LGSN: variants seen among roughly 807,000 people sequenced by gnomAD.
LGSN encodes lengsin, lens protein with glutamine synthetase domain.
LGSN carries 21 observed loss-of-function variants against 19.5 expected under a neutral mutation model. That is an observed-to-expected ratio of 1.07 (90% confidence interval 0.76 to 1.55). The LOEUF (loss-of-function observed/expected upper bound fraction) is 1.55, where lower values mean the gene tolerates loss of function less well. Among genes scored for constraint, LGSN ranks in the 40% most tolerant of loss-of-function variants. LGSN has a pLI of 0.00. For missense variants in LGSN, 673 were observed against 608.5 expected (o/e 1.11, Z -1.12); for synonymous variants, 257 against 215.6 (o/e 1.19, Z -1.68).
the LGSN span, among the ~76,000 whole-genome samples, chr6:63,507,015 T>C: frequency 2.6e-5 from 4 of 152,076 alleles, no homozygotes; most frequent in African/African-American, 9.7e-5. Flanking sequence ...GAGGATGCCT[T>C]ACCCCGACAA....
At chr6:63,352,730 A>G in the LGSN span, among the ~76,000 whole-genome samples, 444 of 152,088 alleles carry the variant, frequency 2.9e-3, 3 homozygotes, top group African/African-American at 0.01. Flanking sequence ...TTTGTGGGTT[A>G]TGTTAGAGAC....
the LGSN span, among the ~76,000 whole-genome samples, chr6:63,355,741 C>T: frequency 2.0e-5 from 3 of 152,150 alleles, no homozygotes; most frequent in Non-Finnish European, 4.4e-5. Flanking sequence ...TGCAATGGTG[C>T]AATCTTGGCT....
the LGSN span, among the ~76,000 whole-genome samples, chr6:63,480,940 G>GAT: frequency 5.2e-3 from 311 of 59,722 alleles, 3 homozygotes; most frequent in African/African-American, 0.01. Flanking sequence ...TAAAGAAAAT[G>GAT]ATATATATAT....
chr6:63,368,591 C>A, the LGSN span, among the ~76,000 whole-genome samples: 2 of 152,214 alleles, frequency 1.3e-5, no homozygotes, highest in African/African-American at 2.4e-5. Flanking sequence ...CTCCTCCCCC[C>A]ACTCCACACA....
the LGSN span, among the ~76,000 whole-genome samples, chr6:63,464,590 G>A: frequency 6.6e-6 from 1 of 150,486 alleles, no homozygotes; most frequent in Admixed American, 6.7e-5. Flanking sequence ...AATATGTCAG[G>A]TTAGAAGTAA....
chr6:63,326,053 A>C, the LGSN span, among the ~76,000 whole-genome samples: 1 of 152,042 alleles, frequency 6.6e-6, no homozygotes, highest in Non-Finnish European at 1.5e-5. Context: ...CTCGACACAA[A>C]GGTTCTCCAC....
chr6:63,475,558 A>AT, the LGSN span, among the ~76,000 whole-genome samples: 2 of 152,182 alleles, frequency 1.3e-5, no homozygotes, highest in Non-Finnish European at 2.9e-5. Context: ...GTTGGTATAA[A>AT]TTTTGTCTCT....
the LGSN span, among the ~76,000 whole-genome samples, chr6:63,547,499 T>G: frequency 2.3e-3 from 254 of 108,990 alleles, no homozygotes; most frequent in African/African-American, 8.2e-3. Flanking sequence ...CAGGGGGGAA[T>G]TTTTTTTTTT....
the LGSN span, chr6:63,572,320 C>G: frequency 4.2e-6 from 1 of 235,512 alleles, no homozygotes; most frequent in Non-Finnish European, 8.2e-6. Context: ...CATTCATCAA[C>G]CGGTTCACAC....
the LGSN span, among the ~76,000 whole-genome samples, chr6:63,506,215 A>C: frequency 6.6e-6 from 1 of 150,694 alleles, no homozygotes; most frequent in Middle Eastern, 3.4e-3. Flanking sequence ...TTCTCATGGA[A>C]AGGAGATAAG....
At chr6:63,462,044 G>A in the LGSN span, among the ~76,000 whole-genome samples, 10 of 152,090 alleles carry the variant, frequency 6.6e-5, no homozygotes, top group Admixed American at 2.0e-4. Context: ...CTTTTCCTTC[G>A]TTTCTTCTGC....
chr6:63,487,124 C>T, the LGSN span, among the ~76,000 whole-genome samples: 3 of 152,026 alleles, frequency 2.0e-5, no homozygotes, highest in Non-Finnish European at 4.4e-5. Flanking sequence ...TGTGAGCCAC[C>T]GTGCCTGGCC....
At chr6:63,399,648 G>A in the LGSN span, among the ~76,000 whole-genome samples, 2 of 151,402 alleles carry the variant, frequency 1.3e-5, no homozygotes, top group Admixed American at 6.6e-5. Context: ...CACCCGCCTC[G>A]GCCTCCCAAA....
chr6:63,348,017 C>T, the LGSN span, among the ~76,000 whole-genome samples: 4 of 152,244 alleles, frequency 2.6e-5, no homozygotes, highest in Admixed American at 2.6e-4. Flanking sequence ...GGAGGAGAAA[C>T]TCCTTTCTCC....
chr6:63,365,835 A>C, the LGSN span, among the ~76,000 whole-genome samples: 1 of 152,236 alleles, frequency 6.6e-6, no homozygotes. Context: ...AAAGGAAAAA[A>C]AATACATGAT....
At chr6:63,462,892 G>A in the LGSN span, among the ~76,000 whole-genome samples, 1 of 152,186 alleles carries the variant, frequency 6.6e-6, no homozygotes, top group Non-Finnish European at 1.5e-5. Flanking sequence ...ATGGATTTAT[G>A]TTCAGGTGTG....
In LGSN at chr6:63,277,893, T is replaced by G. The variant is rs1436659023; in HGVS notation, c.*2128A>C. On this transcript the variant is annotated 3_prime_UTR_variant, in exon 4 of 4. Coordinates refer to ENST00000370657, the MANE Select transcript of LGSN (RefSeq NM_016571.3). Reference sequence around the variant, plus strand: ...TGAGTTCAGGAGTTCAAGACCAGACTGGCCAATATGGTGAAACCCCATCTC... The same window carrying G: ...TGAGTTCAGGAGTTCAAGACCAGACGGGCCAATATGGTGAAACCCCATCTC... 1 of 152,190 alleles carries G rather than the reference T, an allele frequency of 6.6e-6. No homozygotes were observed. Among genetic ancestry groups the G allele is most frequent in the African/African-American group, 2.4e-5 (1 of 41,418 alleles). 9.4% of individuals were successfully genotyped at this position (152,190 alleles called of 1,614,324 possible).
chr6:63,558,891 G>T, the LGSN span, among the ~76,000 whole-genome samples: 1 of 152,246 alleles, frequency 6.6e-6, no homozygotes. Context: ...CATCTGTCAA[G>T]TAGGATTGTT....
chr6:63,293,113 C>T (rs781171751), intron 2 of LGSN, among the ~76,000 whole-genome samples: 1 of 152,140 alleles, frequency 6.6e-6, no homozygotes, highest in African/African-American at 2.4e-5. Flanking sequence ...GATCCTCCCA[C>T]CTCATTCCCC....
Sources: gnomAD v4.1 joint callset for allele counts (sites outside exome capture counted in the v4.1 genomes callset) on GRCh38, gnomAD v4.1.1 for gene constraint, MANE v1.5 for transcripts, NCBI Gene and HGNC (gene_info 2026-07-23, HGNC 2026-07-21) for gene names.